Variants in ITPR2 observed in about 807,000 individuals in gnomAD.
ITPR2 encodes inositol 1,4,5-trisphosphate-gated calcium channel ITPR2.
In ITPR2, 207 loss-of-function variants were observed where a neutral mutation model predicts 317.1. That is an observed-to-expected ratio of 0.65 (90% confidence interval 0.58 to 0.73). The LOEUF is 0.73. Ranked by LOEUF, ITPR2 falls within the 30% of genes least tolerant of loss-of-function variation. The pLI is 0.00. For missense variants in ITPR2, 2,613 were observed against 3,284.0 expected, an observed-to-expected ratio of 0.80 and a Z score of 4.99; for synonymous variants, 1,156 against 1,149.1, an observed-to-expected ratio of 1.01 and a Z score of -0.12.
chr12:26,391,119 G>C (rs551716779), intron 54 of ITPR2, among the ~76,000 whole-genome samples: 9 of 152,258 alleles, frequency 5.9e-5, no homozygotes, highest in African/African-American at 2.2e-4. Context: ...GAAGTGAATG[G>C]TAATAAAAGG....
Position 26,655,784 on chromosome 12 carries a change from A to G in ITPR2, c.2513T>C (p.Val838Ala). 2 of 1,612,808 alleles carry G rather than the reference A, an allele frequency of 1.2e-6. No individual in the cohort carries two copies. The highest frequency in any genetic ancestry group is 1.7e-6 in the Non-Finnish European group (2 of 1,179,192). Reference protein sequence around the residue: ...KRKFALTMEFVEEYLKEVVNQ... With the variant: ...KRKFALTMEFAEEYLKEVVNQ... ...TACAACTTCTTTCAAATATTCTTCA[A>G]CAAATTCCATTGTCAGGGCAAATTT... Residue 838 changes from valine (V) to alanine (A), a missense_variant, in exon 20 of 57, where the codon GTT becomes GCT. Physicochemically the swap from Val to Ala is moderately conservative, Grantham distance 64. Around this residue, in one of 9 missense-constraint regions of ITPR2, gnomAD observed 817 missense variants for 897.6 expected, o/e 0.91. Coordinates refer to ENST00000381340, the MANE Select transcript of ITPR2 (RefSeq NM_002223.4).
intron 32 of ITPR2, among the ~76,000 whole-genome samples, chr12:26,589,424 G>A (rs900993009): frequency 6.6e-6 from 1 of 152,068 alleles, no homozygotes; most frequent in African/African-American, 2.4e-5. Flanking sequence ...AGAAACACAA[G>A]AGAAGAATGA....
At chr12:26,605,798 T>C (rs762234518) in intron 26 of ITPR2, among the ~76,000 whole-genome samples, 4 of 152,164 alleles carry the variant, frequency 2.6e-5, no homozygotes, top group Non-Finnish European at 5.9e-5. Context: ...GGCAGCGACA[T>C]TGGAAAATTC....
At chr12:26,661,373 A>C (rs1238230814) in intron 15 of ITPR2, among the ~76,000 whole-genome samples, 2 of 149,936 alleles carry the variant, frequency 1.3e-5, no homozygotes, top group African/African-American at 4.9e-5. Flanking sequence ...GCCAAGACTG[A>C]GAGGGGAGTG....
intron 2 of ITPR2, among the ~76,000 whole-genome samples, chr12:26,789,354 A>G (rs940389432): frequency 3.3e-5 from 5 of 152,280 alleles, no homozygotes; most frequent in African/African-American, 9.6e-5. Flanking sequence ...TCCCTTTTCC[A>G]TTGCAGTAAG....
intron 26 of ITPR2, among the ~76,000 whole-genome samples, chr12:26,611,465 G>C (rs3782297): frequency 0.7 from 106,890 of 152,092 alleles, 37,918 homozygotes; most frequent in East Asian, 0.95. Context: ...ACTAGATAGA[G>C]AGTTTAAGCA....
At chr12:26,588,380 G>T (rs1258607016) in intron 32 of ITPR2, among the ~76,000 whole-genome samples, 1 of 152,132 alleles carries the variant, frequency 6.6e-6, no homozygotes, top group East Asian at 1.9e-4. Flanking sequence ...ACATCCTGGG[G>T]TCCAAGGGAA....
intron 2 of ITPR2, among the ~76,000 whole-genome samples, chr12:26,762,657 A>C (rs1949657724): frequency 6.6e-6 from 1 of 152,232 alleles, no homozygotes; most frequent in Non-Finnish European, 1.5e-5. Context: ...GTAAGATTAT[A>C]GTCAAATTCA....
At chr12:26,509,157 A>T (rs1325978051) in intron 37 of ITPR2, among the ~76,000 whole-genome samples, 2 of 152,248 alleles carry the variant, frequency 1.3e-5, no homozygotes, top group Non-Finnish European at 2.9e-5. Context: ...ATATTGTATG[A>T]TTCCATTTAT....
intron 26 of ITPR2, among the ~76,000 whole-genome samples, chr12:26,610,477 G>A (rs766228039): frequency 2.0e-4 from 30 of 151,996 alleles, no homozygotes; most frequent in Non-Finnish European, 3.1e-4. Context: ...TAGGGAAGGT[G>A]TACCTAGGGA....
At chr12:26,481,472 G>A (rs1342661397) in intron 42 of ITPR2, among the ~76,000 whole-genome samples, 1 of 152,194 alleles carries the variant, frequency 6.6e-6, no homozygotes, top group South Asian at 2.1e-4. Flanking sequence ...CATGAAGCAC[G>A]TATCTTTTAA....
intron 2 of ITPR2, among the ~76,000 whole-genome samples, chr12:26,767,991 G>T (rs916555300): frequency 4.1e-4 from 63 of 152,184 alleles, no homozygotes; most frequent in African/African-American, 1.5e-3. Flanking sequence ...ATTTCATGCC[G>T]CCTCCTTGGT....
At chr12:26,507,310 G>C (rs1943214236) in intron 37 of ITPR2, among the ~76,000 whole-genome samples, 1 of 152,174 alleles carries the variant, frequency 6.6e-6, no homozygotes, top group African/African-American at 2.4e-5. Context: ...CAAACCTAGA[G>C]ATGCCTGAGC....
At chr12:26,763,177 C>T (rs1949665648) in intron 2 of ITPR2, among the ~76,000 whole-genome samples, 1 of 151,990 alleles carries the variant, frequency 6.6e-6, no homozygotes, top group Admixed American at 6.6e-5. Flanking sequence ...GGCATATATG[C>T]TTCATTTAAT....
intron 21 of ITPR2, among the ~76,000 whole-genome samples, chr12:26,640,677 T>C (rs1380199518): frequency 6.6e-6 from 1 of 152,120 alleles, no homozygotes; most frequent in Non-Finnish European, 1.5e-5. Context: ...TCTATAAGTC[T>C]ATTGGAAAAG....
chr12:26,696,574 GC>G (rs1269472511), intron 9 of ITPR2, among the ~76,000 whole-genome samples: 5 of 151,544 alleles, frequency 3.3e-5, no homozygotes, highest in African/African-American at 1.2e-4. Flanking sequence ...CAAAATGAAA[GC>G]AAAAAAAATC....
rs1162679959 is a variant in ITPR2, at chr12:26,364,667, C to A, written c.7857+22767G>T. Reference sequence around the variant, plus strand: ...CTGCTCATTCAGCAACCAACCTTCTCATTATAATCTGGCGTCTCAGGGAAA... The same window carrying A: ...CTGCTCATTCAGCAACCAACCTTCTAATTATAATCTGGCGTCTCAGGGAAA... On this transcript the variant is annotated intron_variant, in intron 55 of 56. Coordinates refer to ENST00000381340, the MANE Select transcript of ITPR2 (RefSeq NM_002223.4). 2.6e-5 allele frequency among the ~76,000 whole-genome samples: 4 copies of A among 152,218 alleles called. No homozygotes were observed. In the East Asian group the frequency reaches 7.7e-4, roughly 29 times the overall value.
At position 26,443,652 on chromosome 12, in the gene ITPR2, T is replaced by TA; in HGVS notation, c.6343-3dup. ...CAACAGTTTATTGTGGCGGGCCAACTAGAGTAGGGAAAAAATAAAGGTTTT... is the reference window on the plus strand; with the variant it reads ...CAACAGTTTATTGTGGCGGGCCAACTAAGAGTAGGGAAAAAATAAAGGTTTT... On this transcript the variant is annotated splice_region_variant and splice_polypyrimidine_tract_variant and intron_variant, in intron 45 of 56. Transcript: ENST00000381340. 1 of 1,611,536 alleles carries TA rather than the reference T, an allele frequency of 6.2e-7. No individual in the cohort carries two copies. Among genetic ancestry groups the TA allele is most frequent in the East Asian group, 2.2e-5 (1 of 44,830 alleles).
chr12:26,406,301 C>A (rs774053500), intron 52 of ITPR2, among the ~76,000 whole-genome samples: 1 of 151,496 alleles, frequency 6.6e-6, no homozygotes, highest in South Asian at 2.1e-4. Flanking sequence ...TCTGTACATT[C>A]GAATGATTTT....
Sources: allele counts gnomAD v4.1 joint callset (sites outside exome capture counted in the v4.1 genomes callset), GRCh38; gene constraint gnomAD v4.1.1; regional missense constraint gnomAD v4.1.1; transcripts MANE v1.5; gene names NCBI Gene and HGNC (gene_info 2026-07-23, HGNC 2026-07-21).